Variants in MIPOL1 observed in about 807,000 individuals in gnomAD.
MIPOL1 encodes the protein mirror-image polydactyly 1.
MIPOL1 carries 57 observed loss-of-function variants against 60.9 expected under a neutral mutation model. The ratio of observed to expected loss-of-function variants is 0.94; its 90% CI spans 0.76 to 1.17. The LOEUF (loss-of-function observed/expected upper bound fraction) is 1.17. MIPOL1 is among the 50% of genes most tolerant of loss of function. The pLI is 0.00. For synonymous variants in MIPOL1, 179 were observed against 168.8 expected (o/e 1.06, Z -0.47); for missense variants, 551 against 511.6 (o/e 1.08, Z -0.74).
At chr14:37,249,395 C>A (rs942190000) in intron 3 of MIPOL1, among the ~76,000 whole-genome samples, 4 of 152,002 alleles carry the variant, frequency 2.6e-5, no homozygotes, top group African/African-American at 7.2e-5. Context: ...AACAATTATA[C>A]ATTCTTTTGA....
intron 11 of MIPOL1, among the ~76,000 whole-genome samples, chr14:37,432,575 A>G (rs1405007768): frequency 6.6e-6 from 1 of 152,180 alleles, no homozygotes; most frequent in Non-Finnish European, 1.5e-5. Flanking sequence ...GTCTCCATAT[A>G]ATAAAGCAAA....
At chr14:37,246,994 CT>C (rs1431808231) in intron 1 of MIPOL1, 108 bp from the exon 2 acceptor site, 1 of 152,138 alleles carries the variant, frequency 6.6e-6, no homozygotes, top group Non-Finnish European at 1.5e-5. Flanking sequence ...ATATGAATCT[CT>C]TATTAAAATA....
At chr14:37,461,847 C>T (rs1295846321) in intron 11 of MIPOL1, among the ~76,000 whole-genome samples, 1 of 152,166 alleles carries the variant, frequency 6.6e-6, no homozygotes, top group African/African-American at 2.4e-5. Flanking sequence ...GCAGCTCCAC[C>T]CTGTGACTTT....
intron 3 of MIPOL1, among the ~76,000 whole-genome samples, chr14:37,250,284 A>G (rs1567150468): frequency 6.6e-6 from 1 of 152,178 alleles, no homozygotes; most frequent in African/African-American, 2.4e-5. Flanking sequence ...GCGGTGGCTT[A>G]TGCCTGTAAT....
chr14:37,520,681 G>T (rs1566764419), intron 12 of MIPOL1, among the ~76,000 whole-genome samples: 1 of 152,000 alleles, frequency 6.6e-6, no homozygotes, highest in Non-Finnish European at 1.5e-5. Flanking sequence ...AGATAAAGAA[G>T]TTAATTTACA....
chr14:37,439,496 C>G (rs2153565171), intron 11 of MIPOL1, among the ~76,000 whole-genome samples: 1 of 152,256 alleles, frequency 6.6e-6, no homozygotes, highest in African/African-American at 2.4e-5. Flanking sequence ...AAAAATTAAA[C>G]TTATACTCAA....
chr14:37,200,077 G>A (rs574763704), intron 1 of MIPOL1, among the ~76,000 whole-genome samples: 2 of 152,172 alleles, frequency 1.3e-5, no homozygotes, highest in African/African-American at 4.8e-5. Context: ...AATGACTGAT[G>A]GTATTGAACA....
chr14:37,283,711 T>C (rs931270928), intron 6 of MIPOL1, among the ~76,000 whole-genome samples: 5 of 152,206 alleles, frequency 3.3e-5, no homozygotes, highest in Non-Finnish European at 5.9e-5. Context: ...GGCCAAGAGC[T>C]TTCATATATT....
chr14:37,373,516 T>G (rs1187534136), intron 10 of MIPOL1, among the ~76,000 whole-genome samples: 2 of 151,786 alleles, frequency 1.3e-5, no homozygotes, highest in Admixed American at 1.3e-4. Context: ...ATCATCCACA[T>G]TAGGTATTTC....
At chr14:37,208,452 A>G (rs1279495192) in intron 1 of MIPOL1, among the ~76,000 whole-genome samples, 4 of 152,224 alleles carry the variant, frequency 2.6e-5, no homozygotes, top group African/African-American at 9.6e-5. Context: ...TAGAAAACAT[A>G]GATCAATTAA....
At chr14:37,267,338 A>T (rs1172659659) in intron 4 of MIPOL1, among the ~76,000 whole-genome samples, 169 bp downstream of exon 4, 2 of 151,966 alleles carry the variant, frequency 1.3e-5, no homozygotes, top group Non-Finnish European at 2.9e-5. Context: ...AAATACAAAA[A>T]TCAGCCAGGT....
intron 11 of MIPOL1, among the ~76,000 whole-genome samples, chr14:37,435,395 C>A (rs2094148249): frequency 6.6e-6 from 1 of 151,900 alleles, no homozygotes; most frequent in Non-Finnish European, 1.5e-5. Context: ...ATCACACTAT[C>A]TAAAATAGTG....
At chr14:37,238,700 C>T (rs1030787703) in intron 1 of MIPOL1, among the ~76,000 whole-genome samples, 5 of 151,100 alleles carry the variant, frequency 3.3e-5, no homozygotes, top group Non-Finnish European at 7.4e-5. Context: ...CCTGTAATCC[C>T]AACACTTCGG....
chr14:37,496,175 C>G (rs1473877014), intron 11 of MIPOL1, among the ~76,000 whole-genome samples: 1 of 150,906 alleles, frequency 6.6e-6, no homozygotes, highest in Non-Finnish European at 1.5e-5. Context: ...CTATCTATGA[C>G]AAACCCACAG....
At chr14:37,333,148 CA>C (rs1177803473) in intron 9 of MIPOL1, among the ~76,000 whole-genome samples, 2 of 151,994 alleles carry the variant, frequency 1.3e-5, no homozygotes, top group Non-Finnish European at 2.9e-5. Context: ...CTCTTGATGG[CA>C]AATGGTTCCG....
intron 9 of MIPOL1, among the ~76,000 whole-genome samples, chr14:37,331,441 C>G (rs1476244019): frequency 3.3e-5 from 5 of 151,532 alleles, no homozygotes; most frequent in African/African-American, 1.2e-4. Context: ...TCTTCAGTTT[C>G]TTTCATCAGT....
At chr14:37,307,833 G>A (rs2086915041) in intron 7 of MIPOL1, among the ~76,000 whole-genome samples, 1 of 152,022 alleles carries the variant, frequency 6.6e-6, no homozygotes, top group Non-Finnish European at 1.5e-5. Context: ...ATATATAGCA[G>A]TAAACATTAA....
chr14:37,465,179 G>A (rs749508645), intron 11 of MIPOL1, among the ~76,000 whole-genome samples: 2 of 152,192 alleles, frequency 1.3e-5, no homozygotes, highest in African/African-American at 4.8e-5. Context: ...CTGCCTTTCC[G>A]AACTTTGATA....
At chr14:37,435,038 A>G (rs1160912934) in intron 11 of MIPOL1, among the ~76,000 whole-genome samples, 4 of 151,950 alleles carry the variant, frequency 2.6e-5, no homozygotes, top group Admixed American at 6.6e-5. Flanking sequence ...ATTTCACCAC[A>G]CTTTCTATTC....
Sources: allele counts gnomAD v4.1 joint callset (sites outside exome capture counted in the v4.1 genomes callset), GRCh38; gene constraint gnomAD v4.1.1; transcripts MANE v1.5; gene names NCBI Gene and HGNC (gene_info 2026-07-23, HGNC 2026-07-21).